Variants in AGAP1 observed in about 807,000 individuals in gnomAD.
AGAP1 encodes ArfGAP with GTPase domain, ankyrin repeat and PH domain 1.
AGAP1 carries 29 observed loss-of-function variants against 105.3 expected under a neutral mutation model. That is an observed-to-expected ratio of 0.28 (90% CI 0.21 to 0.38). The LOEUF is 0.38. Ranked by LOEUF, AGAP1 falls within the 10% of genes least tolerant of loss-of-function variation. The probability of loss-of-function intolerance (pLI) is 1.00; values close to 1 mark genes in which losing one functional copy is unlikely to be tolerated. For synonymous variants in AGAP1, 509 were observed against 485.9 expected (o/e 1.05, Z -0.63); for missense variants, 998 against 1,165.1 (o/e 0.86, Z 2.09).
intron 1 of AGAP1, among the ~76,000 whole-genome samples, chr2:235,688,017 T>C (rs1949552833): frequency 6.9e-6 from 1 of 145,916 alleles, no homozygotes; most frequent in Non-Finnish European, 1.5e-5. Context: ...TTCTCCCGCC[T>C]CAGCCTCCAG....
At chr2:235,859,831 CT>C (rs1299303090) in intron 9 of AGAP1, among the ~76,000 whole-genome samples, 2 of 152,210 alleles carry the variant, frequency 1.3e-5, no homozygotes, top group African/African-American at 4.8e-5. Flanking sequence ...CGCCCTGGAG[CT>C]GCTCCTCTTT....
intron 16 of AGAP1, among the ~76,000 whole-genome samples, chr2:236,102,542 CGCGTCA>C (rs1216676919): frequency 6.7e-6 from 1 of 149,058 alleles, no homozygotes; most frequent in East Asian, 2.0e-4. Context: ...GAGCTGAGAT[CGCGTCA>C]TTGCACTCCA....
At chr2:235,775,271 C>T (rs1955776627) in intron 6 of AGAP1, among the ~76,000 whole-genome samples, 1 of 152,060 alleles carries the variant, frequency 6.6e-6, no homozygotes, top group Admixed American at 6.6e-5. Flanking sequence ...GGTGTGTCAC[C>T]CTCAACGAAA....
At chr2:235,928,827 C>T (rs1046187986) in intron 11 of AGAP1, among the ~76,000 whole-genome samples, 5 of 152,204 alleles carry the variant, frequency 3.3e-5, no homozygotes, top group Non-Finnish European at 7.3e-5. Context: ...AGCATGAGTG[C>T]TCCCCTTAGT....
intron 6 of AGAP1, among the ~76,000 whole-genome samples, chr2:235,780,377 A>C (rs994464281): frequency 6.6e-6 from 1 of 152,154 alleles, no homozygotes; most frequent in African/African-American, 2.4e-5. Flanking sequence ...TAATAAAGAC[A>C]GGTCATTACC....
rs1338467406 is a variant in AGAP1 at position 236,092,683 on chromosome 2, C to T, written c.2115-27509C>T. The stretch of plus-strand genomic sequence containing the variant: ...CTGGGATTACAGGCGTGAGCCACCG[C>T]GCCCGGCCGTATTATTTCTTTAAAC... On this transcript the variant is annotated intron_variant, in intron 16 of 17. Coordinates refer to ENST00000304032, the MANE Select transcript of AGAP1 (RefSeq NM_001037131.3). This position sits in a 1 kb window ranked among gnomAD's most constrained non-coding sequence, Gnocchi z 4.7. Among the ~76,000 whole-genome samples the T allele has an allele frequency of 6.6e-6, 1 of 152,182 alleles. No individual in the cohort carries two copies. The highest frequency in any genetic ancestry group is 2.1e-4 in the South Asian group (1 of 4,832).
chr2:235,682,318 A>G (rs1190445689), intron 1 of AGAP1, among the ~76,000 whole-genome samples: 3 of 151,672 alleles, frequency 2.0e-5, no homozygotes, highest in Admixed American at 6.6e-5. Context: ...GTCTGGAACC[A>G]GGATCCTGTT....
Position 235,716,182 on chromosome 2 carries a change from A to G in AGAP1, c.223-1375A>G, listed in dbSNP as rs1951095641. On this transcript the variant is annotated intron_variant, in intron 2 of 17. Transcript: ENST00000304032. The surrounding 1 kb of genome is among the most constrained non-coding windows in gnomAD (Gnocchi z 4.0). Reference sequence around the variant, plus strand: ...GAGAAGGTTGGATGTGGACAGGCGCATGTTGGGACATTAGAGTGGAGGATC... The same window carrying G: ...GAGAAGGTTGGATGTGGACAGGCGCGTGTTGGGACATTAGAGTGGAGGATC... Among the ~76,000 whole-genome samples, 1 of 152,190 alleles carries G rather than the reference A, an allele frequency of 6.6e-6. No homozygotes were observed. Among genetic ancestry groups the G allele is most frequent in the Admixed American group, 6.5e-5 (1 of 15,284 alleles).
intron 8 of AGAP1, among the ~76,000 whole-genome samples, chr2:235,803,632 C>G (rs777763335): frequency 3.0e-4 from 46 of 152,144 alleles, no homozygotes; most frequent in Non-Finnish European, 5.7e-4. Context: ...TTTCCAATAC[C>G]ATTTTACACA....
intron 12 of AGAP1, among the ~76,000 whole-genome samples, chr2:235,937,897 C>T (rs1047775215): frequency 3.9e-5 from 6 of 152,222 alleles, no homozygotes; most frequent in African/African-American, 7.2e-5. Context: ...CAGGAAGCCC[C>T]GATCTGGACA....
rs530502983 is a variant in AGAP1, at chr2:235,958,669, C to G, written c.1484-9793C>G. 6.6e-6 allele frequency among the ~76,000 whole-genome samples: 1 copy of G among 152,124 alleles called. No individual in the cohort carries two copies. Among genetic ancestry groups the G allele is most frequent in the African/African-American group, 2.4e-5 (1 of 41,426 alleles). On this transcript the variant is annotated intron_variant, in intron 12 of 17. Transcript: ENST00000304032. The surrounding 1 kb of genome is among the most constrained non-coding windows in gnomAD (Gnocchi z 4.1). Reference sequence around the variant, plus strand: ...TCTTGTCAGCAGAGATAAGTTGTCACGTTTTCCACTTGAGCTGAAACTAAA... The same window carrying G: ...TCTTGTCAGCAGAGATAAGTTGTCAGGTTTTCCACTTGAGCTGAAACTAAA...
In AGAP1 at chr2:235,639,937, G is replaced by A. The variant is rs1947135508; in HGVS notation, c.164-69242G>A. Among the ~76,000 whole-genome samples, 1 of 152,172 alleles carries A rather than the reference G, an allele frequency of 6.6e-6. No individual in the cohort carries two copies. The highest frequency in any genetic ancestry group is 1.5e-5 in the Non-Finnish European group (1 of 68,040). ...TTATAGTTGTAATTTGCCCATGATG[G>A]GGTTAGAGACCCACAGTTGCTCAAA... is the stretch of plus-strand genomic sequence containing the variant. On this transcript the variant is annotated intron_variant, in intron 1 of 17. Coordinates refer to ENST00000304032, the MANE Select transcript of AGAP1 (RefSeq NM_001037131.3). This position sits in a 1 kb window ranked among gnomAD's most constrained non-coding sequence, Gnocchi z 5.3.
Position 235,676,053 on chromosome 2 carries a change from C to A in AGAP1, c.164-33126C>A, listed in dbSNP as rs149666656. On this transcript the variant is annotated intron_variant, in intron 1 of 17. Transcript: ENST00000304032. The stretch of plus-strand genomic sequence containing the variant: ...AGTTTTTGTCTTTTTAATGCATTAA[C>A]AAACATATATTGCATGTTTATGGTG... Among the ~76,000 whole-genome samples, 33 of 152,296 alleles carry A rather than the reference C, an allele frequency of 2.2e-4. No individual in the cohort carries two copies. In the East Asian group the frequency reaches 5.4e-3, roughly 25 times the overall value.
intron 11 of AGAP1, among the ~76,000 whole-genome samples, chr2:235,918,709 A>G (rs1199236177): frequency 6.6e-6 from 1 of 151,640 alleles, no homozygotes; most frequent in Non-Finnish European, 1.5e-5. Flanking sequence ...CCTGCATGTT[A>G]CCCATCATGT....
intron 1 of AGAP1, among the ~76,000 whole-genome samples, chr2:235,572,991 CTTCTTCT>C: frequency 4.5e-5 from 1 of 22,406 alleles, no homozygotes; most frequent in Non-Finnish European, 8.2e-5. Context: ...TCTTCTTCTT[CTTCTTCT>C]TCTTCTTCTT....
At chr2:235,783,542 A>G (rs1330797457) in intron 6 of AGAP1, among the ~76,000 whole-genome samples, 1 of 152,222 alleles carries the variant, frequency 6.6e-6, no homozygotes, top group African/African-American at 2.4e-5. Flanking sequence ...GGATTCTAGT[A>G]TCTTGTTATG....
chr2:235,666,753 C>T (rs1375687071), intron 1 of AGAP1, among the ~76,000 whole-genome samples: 1 of 151,152 alleles, frequency 6.6e-6, no homozygotes, highest in East Asian at 1.9e-4. Flanking sequence ...GTGTTTTAGC[C>T]CTGAAGGAAT....
In AGAP1 at chr2:235,714,267, C is replaced by G. The variant is rs751205268; in HGVS notation, c.223-3290C>G. On this transcript the variant is annotated intron_variant, in intron 2 of 17. Coordinates refer to ENST00000304032, the MANE Select transcript of AGAP1 (RefSeq NM_001037131.3). The surrounding 1 kb of genome is among the most constrained non-coding windows in gnomAD (Gnocchi z 4.1). Reference sequence around the variant, plus strand: ...CTGACCTCAGGTGATCCACCTGCCTCGGCCTCCCAAAGTGCTGGGATTACA... The same window carrying G: ...CTGACCTCAGGTGATCCACCTGCCTGGGCCTCCCAAAGTGCTGGGATTACA... Among the ~76,000 whole-genome samples, 1 of 152,054 alleles carries G rather than the reference C, an allele frequency of 6.6e-6. No individual in the cohort carries two copies. The highest frequency in any genetic ancestry group is 2.4e-5 in the African/African-American group (1 of 41,390).
At chr2:235,529,719 G>T (rs565694529) in intron 1 of AGAP1, among the ~76,000 whole-genome samples, 55 of 152,320 alleles carry the variant, frequency 3.6e-4, no homozygotes, top group Non-Finnish European at 6.3e-4. Context: ...TGAATCCTCA[G>T]CTCTGGACTG....
Sources: gnomAD v4.1 joint callset for allele counts (sites outside exome capture counted in the v4.1 genomes callset) on GRCh38, gnomAD v4.1.1 for gene constraint, Gnocchi (gnomAD v3.1) non-coding constraint, MANE v1.5 for transcripts, NCBI Gene and HGNC (gene_info 2026-07-23, HGNC 2026-07-21) for gene names.